The following CERS3 variants were observed in gnomAD, a reference collection of about 807,000 sequenced individuals.
The protein encoded by CERS3 is LAG1 homolog, ceramide synthase 3.
Under a neutral mutation model 50.3 loss-of-function variants are expected in CERS3, and 33 were observed. That is an observed-to-expected ratio of 0.66 (90% CI 0.50 to 0.88). The LOEUF (loss-of-function observed/expected upper bound fraction) is 0.88, where lower values mean the gene tolerates loss of function less well. CERS3 is among the 40% of genes least tolerant of loss of function. The pLI, the probability that CERS3 is intolerant of heterozygous loss-of-function variation, is 0.00. For missense variants in CERS3, 470 were observed against 460.3 expected, an observed-to-expected ratio of 1.02 and a Z score of -0.19; for synonymous variants, 176 against 155.2, an observed-to-expected ratio of 1.13 and a Z score of -0.99.
chr15:100,454,882 AAC>A lies in CERS3; in HGVS notation c.999+1009_999+1010del, dbSNP rs1279685614. ...AACAGCTCAACAGTAAAACAACAAC[AAC>A]AACAAATAATAATGATAATTCCATT... On this transcript the variant is annotated intron_variant, in intron 11 of 11. Coordinates refer to ENST00000679737, the MANE Select transcript of CERS3 (RefSeq NM_001378789.1). Among the ~76,000 whole-genome samples, 5 of 152,108 alleles carry A rather than the reference AAC, an allele frequency of 3.3e-5. No homozygotes were observed. The South Asian group carries it at 6.2e-4, about 19-fold the overall frequency.
At chr15:100,464,439 G>A (rs1009303044) in intron 10 of CERS3, among the ~76,000 whole-genome samples, 1 of 152,084 alleles carries the variant, frequency 6.6e-6, no homozygotes, top group African/African-American at 2.4e-5. Flanking sequence ...AAGCCACCCT[G>A]CCCCCTGCAC....
chr15:100,518,345 CAGAG>C (rs138962678), intron 2 of CERS3, among the ~76,000 whole-genome samples: 8 of 150,470 alleles, frequency 5.3e-5, no homozygotes, highest in Non-Finnish European at 1.2e-4. Flanking sequence ...GAGAGAAGGA[CAGAG>C]AGAGAGAGAG....
Position 100,508,620 on chromosome 15 carries a change from G to A in CERS3, c.-1-6770C>T, listed in dbSNP as rs922036194. 3.3e-5 allele frequency among the ~76,000 whole-genome samples: 5 copies of A among 152,174 alleles called. No individual in the cohort carries two copies. In the South Asian group the frequency reaches 6.2e-4, roughly 19 times the overall value. ...CTTGATTTTGACTCACTCACTTTTC[G>A]GTCAGTCTCAGGAGCCCACTGATGC... On this transcript the variant is annotated intron_variant, in intron 2 of 11. Transcript: ENST00000679737.
chr15:100,480,114 G>A (rs1278856554), intron 5 of CERS3, 68 bp from the exon 6 acceptor site: 2 of 1,167,120 alleles, frequency 1.7e-6, no homozygotes, highest in Non-Finnish European at 2.5e-6. Context: ...AAAATGATTA[G>A]GTATGGCAGA....
At chr15:100,410,397 C>T (rs1321313098) in intron 11 of CERS3, among the ~76,000 whole-genome samples, 2 of 152,286 alleles carry the variant, frequency 1.3e-5, no homozygotes, top group East Asian at 3.9e-4. Context: ...ACAGTCACTA[C>T]AAAGGGAGAC....
chr15:100,457,323 A>T (rs1254285359), intron 10 of CERS3, among the ~76,000 whole-genome samples: 1 of 152,224 alleles, frequency 6.6e-6, no homozygotes, highest in African/African-American at 2.4e-5. Context: ...AAATTCTGTG[A>T]TGCTATCCCT....
At chr15:100,455,856 A>T (rs1433857281) in intron 11 of CERS3, 37 bp downstream of exon 11, 3 of 1,449,566 alleles carry the variant, frequency 2.1e-6, no homozygotes, top group Admixed American at 4.3e-5. Flanking sequence ...TAACCTGGCA[A>T]TGACATTAAG....
intron 1 of CERS3, among the ~76,000 whole-genome samples, chr15:100,538,753 G>A (rs746946778): frequency 1.3e-5 from 2 of 152,156 alleles, no homozygotes; most frequent in African/African-American, 2.4e-5. Context: ...CCATTGTCTT[G>A]GTGATGAACG....
chr15:100,490,201 A>C (rs892796305), intron 4 of CERS3, among the ~76,000 whole-genome samples: 18 of 152,170 alleles, frequency 1.2e-4, no homozygotes, highest in African/African-American at 4.3e-4. Flanking sequence ...TTAGATTAAA[A>C]ACTTTTTCTT....
Position 100,476,104 on chromosome 15 carries a change from G to A in CERS3, c.591C>T (p.Gly197=). The change falls in exon 8 of 12, where the codon GGC becomes GGT. Residue 197 remains glycine, a synonymous_variant. Coordinates refer to ENST00000679737, the MANE Select transcript of CERS3 (RefSeq NM_001378789.1). ...SFYWSLLFRL[G]FDVKRKDFLA... The stretch of plus-strand genomic sequence containing the variant: ...CACTTACCTTTCTCTTGACATCAAA[G>A]CCAAGTCTAAATAACAGAGACCAAT... The A allele has an allele frequency of 6.4e-7, 1 of 1,568,084 alleles. No homozygotes were observed. Among genetic ancestry groups the A allele is most frequent in the Admixed American group, 2.0e-5 (1 of 49,684 alleles).
At chr15:100,469,548 T>A (rs2034897267) in intron 9 of CERS3, 64 bp from the exon 10 acceptor site, 1 of 1,156,940 alleles carries the variant, frequency 8.6e-7, no homozygotes, top group Non-Finnish European at 1.3e-6. Flanking sequence ...GTTAAATTTA[T>A]AAATGAAATG....
chr15:100,510,612 G>C (rs1482136881), intron 2 of CERS3, among the ~76,000 whole-genome samples: 1 of 152,160 alleles, frequency 6.6e-6, no homozygotes, highest in Non-Finnish European at 1.5e-5. Flanking sequence ...GCATTCTCCA[G>C]CCTCCCCAGA....
chr15:100,466,853 C>CTCTCTCTCTCTTTCTT (rs1555528101), intron 10 of CERS3, among the ~76,000 whole-genome samples: 1 of 104,606 alleles, frequency 9.6e-6, no homozygotes, highest in Non-Finnish European at 2.1e-5. Flanking sequence ...CTCTCTTTCT[C>CTCTCTCTCTCTTTCTT]TCTTTCTTTC....
intron 11 of CERS3, among the ~76,000 whole-genome samples, chr15:100,403,976 G>T (rs2030773594): frequency 6.6e-6 from 1 of 152,126 alleles, no homozygotes; most frequent in Admixed American, 6.6e-5. Context: ...TATGTAAGTG[G>T]GCCCTCTATG....
chr15:100,507,775 G>C (rs1481839864), intron 2 of CERS3, among the ~76,000 whole-genome samples: 1 of 152,248 alleles, frequency 6.6e-6, no homozygotes, highest in Non-Finnish European at 1.5e-5. Flanking sequence ...TGTTGGGATT[G>C]AATCTGGAGC....
At chr15:100,539,442 C>G (rs1414771046) in intron 1 of CERS3, among the ~76,000 whole-genome samples, 1 of 152,148 alleles carries the variant, frequency 6.6e-6, no homozygotes, top group Non-Finnish European at 1.5e-5. Flanking sequence ...AACTGACTCA[C>G]AGTTTGGCAT....
chr15:100,461,183 C>T (rs910355431), intron 10 of CERS3, among the ~76,000 whole-genome samples: 2 of 152,286 alleles, frequency 1.3e-5, no homozygotes, highest in African/African-American at 4.8e-5. Context: ...CTCAACACCA[C>T]TAATTTCTTG....
chr15:100,480,001 C>T lies in CERS3; in HGVS notation c.453G>A (p.Ala151=), dbSNP rs780521205. Residue 151 remains alanine (A), a synonymous_variant, in exon 6 of 12, where the codon GCG becomes GCA. Coordinates refer to ENST00000679737, the MANE Select transcript of CERS3 (RefSeq NM_001378789.1). Reference sequence around the variant, plus strand: ...AAAGATAACTTACATCATAAAGAAACGCAATTCCAGCAACAGTGATCATTA... The same window carrying T: ...AAAGATAACTTACATCATAAAGAAATGCAATTCCAGCAACAGTGATCATTA... The part of the protein sequence containing the change: ...FYLMITVAGI[A]FLYDKPWLYD... The T allele has an allele frequency of 2.2e-5, 36 of 1,607,698 alleles. No individual in the cohort carries two copies. The highest frequency in any genetic ancestry group is 5.1e-5 in the Admixed American group (3 of 58,940).
At chr15:100,432,969 G>A (rs1365607679) in intron 11 of CERS3, among the ~76,000 whole-genome samples, 1 of 152,158 alleles carries the variant, frequency 6.6e-6, no homozygotes, top group African/African-American at 2.4e-5. Flanking sequence ...GGGTGCAGTG[G>A]CTCACACCTG....
Sources: gnomAD v4.1 joint callset for allele counts (sites outside exome capture counted in the v4.1 genomes callset) on GRCh38, gnomAD v4.1.1 for gene constraint, MANE v1.5 for transcripts, NCBI Gene and HGNC (gene_info 2026-07-23, HGNC 2026-07-21) for gene names.